Variants in FMNL2 observed in about 807,000 individuals in gnomAD.
FMNL2 encodes the protein formin-like protein 2.
FMNL2 carries 51 observed loss-of-function variants against 130.2 expected under a neutral mutation model. That is an observed-to-expected ratio of 0.39 (90% CI 0.31 to 0.49). The LOEUF (loss-of-function observed/expected upper bound fraction) is 0.49, where lower values mean the gene tolerates loss of function less well. FMNL2 is among the 20% of genes least tolerant of loss of function. The pLI is 0.85. For synonymous variants in FMNL2, 465 were observed against 467.1 expected (o/e 1.00, Z 0.06); for missense variants, 977 against 1,316.2 (o/e 0.74, Z 3.99).
At chr2:152,544,474 G>A (rs1694510034) in intron 3 of FMNL2, among the ~76,000 whole-genome samples, 1 of 152,066 alleles carries the variant, frequency 6.6e-6, no homozygotes, top group Non-Finnish European at 1.5e-5. Context: ...CCCCAGACAG[G>A]TGTTTTTCTG....
intron 12 of FMNL2, among the ~76,000 whole-genome samples, chr2:152,615,855 A>C (rs187628504): frequency 6.6e-6 from 1 of 152,252 alleles, no homozygotes; most frequent in Non-Finnish European, 1.5e-5. Context: ...TTTTTTAAAG[A>C]GTGCTGCATA....
intron 4 of FMNL2, among the ~76,000 whole-genome samples, chr2:152,554,737 G>A (rs1331836642): frequency 6.6e-6 from 1 of 152,120 alleles, no homozygotes; most frequent in Admixed American, 6.5e-5. Flanking sequence ...GAAAGGATGG[G>A]CTCACTTCAT....
rs1681736544 is a variant in FMNL2, at chr2:152,625,659, A to G, written c.1962+97A>G. 8 of 1,361,934 alleles carry G rather than the reference A, an allele frequency of 5.9e-6. No individual in the cohort carries two copies. The Admixed American group carries it at 1.5e-4, about 25-fold the overall frequency. 84.4% of individuals were successfully genotyped at this position (1,361,934 alleles called of 1,614,324 possible). A position where few individuals can be genotyped will look rare whatever the true frequency, so the allele number is the denominator to read the frequency against. ...CTGGAAGTGTCAGAGATAAAGTACTAGTGTTTTAAGTCCCCTGATGTAAAG... is the reference window on the plus strand; with the variant it reads ...CTGGAAGTGTCAGAGATAAAGTACTGGTGTTTTAAGTCCCCTGATGTAAAG... On this transcript the variant is annotated intron_variant, in intron 16 of 25. Coordinates refer to ENST00000288670, the MANE Select transcript of FMNL2 (RefSeq NM_052905.4).
At chr2:152,459,853 G>GA (rs1168751282) in intron 1 of FMNL2, among the ~76,000 whole-genome samples, 3 of 152,036 alleles carry the variant, frequency 2.0e-5, no homozygotes, top group Non-Finnish European at 2.9e-5. Flanking sequence ...AAATGGAAAA[G>GA]AAAAAAACCC....
At chr2:152,646,090 G>A (rs1683525721) in intron 25 of FMNL2, among the ~76,000 whole-genome samples, 1 of 151,592 alleles carries the variant, frequency 6.6e-6, no homozygotes, top group African/African-American at 2.4e-5. Flanking sequence ...CACTCTGGGA[G>A]GCCGAGGTGG....
intron 1 of FMNL2, among the ~76,000 whole-genome samples, chr2:152,347,533 A>G (rs532051608): frequency 2.6e-4 from 40 of 152,302 alleles, no homozygotes; most frequent in Middle Eastern, 3.4e-3. Flanking sequence ...TAAAGCATGA[A>G]TGGGGAGGGA....
intron 6 of FMNL2, among the ~76,000 whole-genome samples, chr2:152,566,960 A>G (rs184825725): frequency 2.0e-5 from 3 of 152,330 alleles, no homozygotes; most frequent in Admixed American, 1.3e-4. Flanking sequence ...TTTAGGAGAC[A>G]GTGAAGAGAT....
At position 152,619,552 on chromosome 2, in the gene FMNL2, G is replaced by GCCCCCCCCCCCCCCCCCC. The variant is rs1553488328; in HGVS notation, c.1676_1677insCCCCCCCCCCCCCCCCCC (p.Pro568_Pro573dup). ...CACCACCTATGCCACCGCCGCCGCC[G>GCCCCCCCCCCCCCCCCCC]CCCCCTCCTCCACCTCCTCCTCCCC... is the stretch of plus-strand genomic sequence containing the variant. On this transcript the variant is annotated inframe_insertion, in exon 15 of 26. Transcript: ENST00000288670. 2.8e-6 allele frequency: 4 copies of GCCCCCCCCCCCCCCCCCC among 1,417,838 alleles called. No individual in the cohort carries two copies. Among genetic ancestry groups the GCCCCCCCCCCCCCCCCCC allele is most frequent in the African/African-American group, 1.7e-5 (1 of 58,876 alleles). The allele number at this position is 1,417,838 out of a possible 1,614,324, so 87.8% of individuals were successfully genotyped here. A position where few individuals can be genotyped will look rare whatever the true frequency, so the allele number is the denominator to read the frequency against.
chr2:152,545,806 A>T (rs1299387549), intron 3 of FMNL2, among the ~76,000 whole-genome samples: 1 of 152,194 alleles, frequency 6.6e-6, no homozygotes, highest in Non-Finnish European at 1.5e-5. Context: ...GCAAAGTGTT[A>T]GCACTCATTG....
chr2:152,512,205 G>C (rs1334618826), intron 1 of FMNL2, among the ~76,000 whole-genome samples: 1 of 152,138 alleles, frequency 6.6e-6, no homozygotes, highest in Non-Finnish European at 1.5e-5. Context: ...TAGGTGAAGA[G>C]TTCTTTGAAA....
intron 1 of FMNL2, chr2:152,390,227 G>T: frequency 6.9e-7 from 1 of 1,456,290 alleles, no homozygotes. Context: ...TGAAAGGGAA[G>T]GACATGGTGG....
chr2:152,586,747 A>G (rs1188708166), intron 9 of FMNL2, among the ~76,000 whole-genome samples: 2 of 151,030 alleles, frequency 1.3e-5, no homozygotes, highest in African/African-American at 5.0e-5. Context: ...CCTCCTTAGC[A>G]TTAGGAAGCA....
intron 7 of FMNL2, among the ~76,000 whole-genome samples, chr2:152,576,229 C>T (rs1424015268): frequency 6.6e-6 from 1 of 152,100 alleles, no homozygotes; most frequent in East Asian, 1.9e-4. Flanking sequence ...AGAAGGGAAA[C>T]ATGCATTTAT....
At chr2:152,366,816 A>G (rs1208174890) in intron 1 of FMNL2, among the ~76,000 whole-genome samples, 1 of 152,106 alleles carries the variant, frequency 6.6e-6, no homozygotes, top group Non-Finnish European at 1.5e-5. Flanking sequence ...AAATACAAAA[A>G]TTAGCCAGGC....
At chr2:152,338,869 TTGTG>T (rs969213804) in intron 1 of FMNL2, among the ~76,000 whole-genome samples, 2 of 104,386 alleles carry the variant, frequency 1.9e-5, no homozygotes, top group East Asian at 4.2e-4. Flanking sequence ...GCATATGCCT[TTGTG>T]TGTGTGTATG....
chr2:152,595,973 T>C (rs2105797383), intron 9 of FMNL2, among the ~76,000 whole-genome samples: 1 of 151,736 alleles, frequency 6.6e-6, no homozygotes, highest in Admixed American at 6.6e-5. Context: ...TTTTTTTTTT[T>C]TTTTTTTTAG....
intron 1 of FMNL2, among the ~76,000 whole-genome samples, chr2:152,445,100 C>T (rs117249923): frequency 6.6e-6 from 1 of 152,330 alleles, no homozygotes; most frequent in East Asian, 1.9e-4. Flanking sequence ...TTCAAAGAGC[C>T]AGTTTGTGCT....
chr2:152,495,590 G>A (rs149409388), intron 1 of FMNL2, among the ~76,000 whole-genome samples: 2 of 140,850 alleles, frequency 1.4e-5, no homozygotes, highest in African/African-American at 5.2e-5. Flanking sequence ...GGCAGAGGTT[G>A]CAATGAGCCG....
intron 1 of FMNL2, among the ~76,000 whole-genome samples, chr2:152,337,155 A>G (rs924093715): frequency 9.2e-5 from 14 of 152,118 alleles, no homozygotes; most frequent in African/African-American, 3.4e-4. Context: ...GTTGCTTTGC[A>G]TCTCCTGTGA....
Sources: allele counts gnomAD v4.1 joint callset (sites outside exome capture counted in the v4.1 genomes callset), GRCh38; gene constraint gnomAD v4.1.1; transcripts MANE v1.5; gene names NCBI Gene and HGNC (gene_info 2026-07-23, HGNC 2026-07-21).